Variants in KEL observed in about 807,000 individuals in gnomAD.
KEL encodes Kell metallo-endopeptidase (Kell blood group).
A neutral mutation model predicts 99.5 loss-of-function variants in KEL; 96 were observed. That is an observed-to-expected ratio of 0.97 (90% CI 0.82 to 1.14). KEL has a LOEUF of 1.14. Among genes scored for constraint, KEL ranks in the 50% most tolerant of loss-of-function variants. KEL has a pLI of 0.00. For synonymous variants in KEL, 355 were observed against 354.8 expected (o/e 1.00, Z -0.01); for missense variants, 926 against 924.2 (o/e 1.00, Z -0.03).
Position 142,942,903 on chromosome 7 carries a change from T to C in KEL, c.1913A>G (p.Asp638Gly). 1 of 1,614,184 alleles carries C rather than the reference T, an allele frequency of 6.2e-7. No individual in the cohort carries two copies. The highest frequency in any genetic ancestry group is 8.5e-7 in the Non-Finnish European group (1 of 1,180,026). Residue 638 changes from aspartate (D) to glycine (G), a missense_variant, in exon 17 of 19, where the codon GAC becomes GGC. By Grantham distance (94) the Asp-to-Gly change is moderately conservative. Transcript: ENST00000355265. Reference sequence around the variant, plus strand: ...CAGCGCGATGGCTAGCCCCCCAACGTCTGCAGCATTCTCTAAGAATGTGAG... The same window carrying C: ...CAGCGCGATGGCTAGCCCCCCAACGCCTGCAGCATTCTCTAAGAATGTGAG... Reference protein sequence around the residue: ...DSLTFLENAADVGGLAIALQA... With the variant: ...DSLTFLENAAGVGGLAIALQA...
intron 18 of KEL, among the ~76,000 whole-genome samples, chr7:142,941,791 C>T (rs1418668816): frequency 7.0e-6 from 1 of 143,712 alleles, no homozygotes; most frequent in African/African-American, 2.9e-5. Context: ...ATGTGGCACA[C>T]AGTCAGCCTG....
chr7:142,942,078 G>A (rs767622282), intron 18 of KEL: 2 of 312,836 alleles, frequency 6.4e-6, no homozygotes, highest in Non-Finnish European at 1.2e-5. Flanking sequence ...TAGAGTGCCA[G>A]GATTACAGGT....
rs1796978996 is a variant in KEL, at chr7:142,962,266, G to A, written c.-60C>T. The stretch of plus-strand genomic sequence containing the variant: ...GTTCCACTCTAGGAGCTGATTCGGA[G>A]GACTGGGGTCCAGGAAACACCCCCC... On this transcript the variant is annotated 5_prime_UTR_variant, in exon 1 of 19. Transcript: ENST00000355265. The A allele has an allele frequency of 6.2e-7, 1 of 1,605,692 alleles. No homozygotes were observed. Among genetic ancestry groups the A allele is most frequent in the Non-Finnish European group, 8.5e-7 (1 of 1,172,286 alleles).
intron 4 of KEL, 64 bp from the exon 5 acceptor site, chr7:142,958,492 A>G (rs1487086546): frequency 2.0e-6 from 3 of 1,531,136 alleles, no homozygotes; most frequent in Non-Finnish European, 2.7e-6. Flanking sequence ...CCAAATTCCT[A>G]TCAAAGGGGT....
chr7:142,949,558 G>A (rs1055481084), intron 10 of KEL, among the ~76,000 whole-genome samples: 12 of 152,284 alleles, frequency 7.9e-5, no homozygotes, highest in Admixed American at 4.6e-4. Context: ...GTGGCTGAAG[G>A]CAGGATTATT....
In KEL at chr7:142,953,968, G is replaced by A; in HGVS notation, c.925-12C>T. Reference sequence around the variant, plus strand: ...GCGGGGGCCATTTCCTTAGAGGAGGGACACAAAGCTGAGGGGGAAAAGGAA... The same window carrying A: ...GCGGGGGCCATTTCCTTAGAGGAGGAACACAAAGCTGAGGGGGAAAAGGAA... On this transcript the variant is annotated splice_polypyrimidine_tract_variant and intron_variant, in intron 8 of 18. Transcript: ENST00000355265. 6.2e-7 allele frequency: 1 copy of A among 1,613,156 alleles called. No homozygotes were observed. The highest frequency in any genetic ancestry group is 8.5e-7 in the Non-Finnish European group (1 of 1,179,268).
rs773221460 is a variant in KEL, at chr7:142,943,858, T to C, written c.1517A>G (p.Gln506Arg). ...NDIQLGSSFL[Q>R]SVLSCVRSLR... ...GGACCGGACACAGCTCAGGACAGAC[T>C]GCAGGAAGCTCGATCCAAGCTGTAT... Residue 506 changes from glutamine (Q) to arginine (R), a missense_variant, in exon 14 of 19, where the codon CAG becomes CGG. By Grantham distance (43) the Gln-to-Arg change is conservative. Transcript: ENST00000355265. 8 of 1,614,004 alleles carry C rather than the reference T, an allele frequency of 5.0e-6. No homozygotes were observed. The highest frequency in any genetic ancestry group is 1.7e-5 in the Admixed American group (1 of 60,008).
intron 10 of KEL, chr7:142,946,664 T>G: frequency 2.0e-5 from 7 of 353,200 alleles, no homozygotes; most frequent in Admixed American, 4.1e-5. Flanking sequence ...GTTCCCCCTG[T>G]TCCCCCACCA....
At position 142,943,045 on chromosome 7, in the gene KEL, CT is replaced by C. The variant is rs572463647; in HGVS notation, c.1772-2del. 1 of 1,613,958 alleles carries C rather than the reference CT, an allele frequency of 6.2e-7. No individual in the cohort carries two copies. Among genetic ancestry groups the C allele is most frequent in the South Asian group, 1.1e-5 (1 of 91,072 alleles). On this transcript the variant is annotated splice_acceptor_variant, in intron 16 of 18. Transcript: ENST00000355265. LOFTEE classifies it high-confidence loss of function. ...CAGGCGAGGCAGCCCCCAGGCAGTA[CT>C]GTTGAAAATGGGACAAGAGAACATA...
chr7:142,946,151 G>T, intron 11 of KEL, 56 bp downstream of exon 11: 1 of 1,241,196 alleles, frequency 8.1e-7, no homozygotes, highest in Non-Finnish European at 1.2e-6. Flanking sequence ...AAGAGGGAAG[G>T]CTGCTTTGGG....
chr7:142,961,294 G>C, intron 3 of KEL, 66 bp downstream of exon 3: 1 of 1,601,520 alleles, frequency 6.2e-7, no homozygotes, highest in South Asian at 1.1e-5. Flanking sequence ...CAGGAGCAGG[G>C]ACTGGGCCTG....
intron 6 of KEL, among the ~76,000 whole-genome samples, chr7:142,957,220 C>T (rs1298451166): frequency 6.6e-6 from 1 of 152,126 alleles, no homozygotes; most frequent in Non-Finnish European, 1.5e-5. Context: ...TTTCCAGGTT[C>T]AGTGTGGGGG....
At chr7:142,941,933 C>T (rs934468965) in intron 18 of KEL, 1 of 167,016 alleles carries the variant, frequency 6.0e-6, no homozygotes, top group African/African-American at 2.4e-5. Context: ...CTCAGCCTCT[C>T]AAGTAGCTGG....
In KEL at chr7:142,944,698, C is replaced by G; in HGVS notation, c.1358G>C (p.Arg453Pro). 1 of 1,614,128 alleles carries G rather than the reference C, an allele frequency of 6.2e-7. No individual in the cohort carries two copies. The highest frequency in any genetic ancestry group is 2.2e-5 in the East Asian group (1 of 44,858). Residue 453 changes from arginine to proline, a missense_variant, in exon 12 of 19, where the codon CGC (arginine) becomes CCC (proline). Transcript: ENST00000355265. ...ATTCATCCAGGGAAGGTTTCTGAGG[C>G]GAGTGATGAGGGCATCCCGGATCGC... ...FTAIRDALIT[R>P]LRNLPWMNEE... is the part of the protein sequence containing the mutation.
Position 142,957,981 on chromosome 7 carries a change from G to A in KEL, c.526-8C>T, listed in dbSNP as rs746142812. The stretch of plus-strand genomic sequence containing the variant: ...GATGCGCCAGCCTCCAAGCTTTAAA[G>A]GAGAGAGAGGGGGCTGAGCATAAGG... On this transcript the variant is annotated splice_polypyrimidine_tract_variant and splice_region_variant and intron_variant, in intron 5 of 18. Transcript: ENST00000355265. 2.5e-6 allele frequency: 4 copies of A among 1,613,356 alleles called. No homozygotes were observed. The highest frequency in any genetic ancestry group is 3.3e-5 in the Admixed American group (2 of 59,894).
At chr7:142,941,461 G>C in intron 18 of KEL, 48 bp from the exon 19 acceptor site, 1 of 1,524,426 alleles carries the variant, frequency 6.6e-7, no homozygotes, top group Non-Finnish European at 8.8e-7. Context: ...ACAGGACAAA[G>C]CTGACCCGGT....
At position 142,943,023 on chromosome 7, in the gene KEL, G is replaced by A. The variant is rs1796409646; in HGVS notation, c.1793C>T (p.Ala598Val). The A allele has an allele frequency of 1.2e-6, 2 of 1,614,054 alleles. No homozygotes were observed. Among genetic ancestry groups the A allele is most frequent in the Non-Finnish European group, 1.7e-6 (2 of 1,180,046 alleles). ...YQLLLPGGCL[A>V]CDNHALQEAH... ...TTCCTGGAGGGCATGGTTGTCACAGGCGAGGCAGCCCCCAGGCAGTACTGT... is the reference window on the plus strand; with the variant it reads ...TTCCTGGAGGGCATGGTTGTCACAGACGAGGCAGCCCCCAGGCAGTACTGT... Residue 598 changes from alanine to valine, a missense_variant, in exon 17 of 19, where the codon GCC (alanine) becomes GTC (valine). Ala to Val is a moderately conservative substitution (Grantham distance 64). Transcript: ENST00000355265.
chr7:142,952,685 A>T, intron 9 of KEL, 47 bp from the exon 10 acceptor site: 1 of 1,609,334 alleles, frequency 6.2e-7, no homozygotes, highest in Admixed American at 1.7e-5. Flanking sequence ...GAATCTGGGG[A>T]TGCTTCAAGA....
intron 9 of KEL, chr7:142,953,380 T>C: frequency 1.0e-6 from 1 of 985,048 alleles, no homozygotes; most frequent in Non-Finnish European, 1.2e-6. Flanking sequence ...ATCCCCAGCC[T>C]TCACCATGTT....
Sources: gnomAD v4.1 joint callset for allele counts (sites outside exome capture counted in the v4.1 genomes callset) on GRCh38, gnomAD v4.1.1 for gene constraint, MANE v1.5 for transcripts, NCBI Gene and HGNC (gene_info 2026-07-23, HGNC 2026-07-21) for gene names.